The following ABCB1 variants were observed in gnomAD, a reference collection of about 807,000 sequenced individuals.
ABCB1 encodes the protein ATP-dependent translocase ABCB1.
In ABCB1, 69 loss-of-function variants were observed where a neutral mutation model predicts 142.0. The observed-to-expected ratio is 0.49, with a 90% CI of 0.40 to 0.59. The LOEUF is 0.59. Ranked by LOEUF, ABCB1 falls within the 20% of genes least tolerant of loss-of-function variation. The pLI is 0.00. For synonymous variants in ABCB1, 532 were observed against 539.2 expected (o/e 0.99, Z 0.18); for missense variants, 1,326 against 1,554.7 (o/e 0.85, Z 2.47).
intron 1 of ABCB1, among the ~76,000 whole-genome samples, chr7:87,702,482 G>A (rs945066302): frequency 1.3e-5 from 2 of 151,992 alleles, no homozygotes; most frequent in African/African-American, 2.4e-5. Context: ...ATCTCTCTTT[G>A]TTGCCCAGGC....
At chr7:87,539,239 T>C in intron 19 of ABCB1, 29 bp downstream of exon 19, 1 of 1,606,416 alleles carries the variant, frequency 6.2e-7, no homozygotes, top group South Asian at 1.1e-5. Context: ...GTTCTACACA[T>C]CCCAGGGCAC....
At chr7:87,539,384 C>T (rs1440563076) in intron 18 of ABCB1, 39 bp from the exon 19 acceptor site, 1 of 1,581,456 alleles carries the variant, frequency 6.3e-7, no homozygotes, top group South Asian at 1.1e-5. Flanking sequence ...ACCCAGCCAC[C>T]ATTTAAATAA....
intron 1 of ABCB1, among the ~76,000 whole-genome samples, chr7:87,707,692 TAAATAAAATA>T (rs899256475): frequency 2.6e-5 from 4 of 151,524 alleles, no homozygotes; most frequent in African/African-American, 9.7e-5. Context: ...ATAAAATAAA[TAAATAAAATA>T]AAATAAAATA....
At chr7:87,598,362 G>T (rs1437463239) in intron 2 of ABCB1, among the ~76,000 whole-genome samples, 1 of 152,080 alleles carries the variant, frequency 6.6e-6, no homozygotes, top group African/African-American at 2.4e-5. Context: ...TATTTGCTAG[G>T]TGATGTTGTT....
chr7:87,515,590 A>G (rs1046594027), intron 24 of ABCB1, among the ~76,000 whole-genome samples, 162 bp from the exon 25 acceptor site: 3 of 151,670 alleles, frequency 2.0e-5, no homozygotes. Flanking sequence ...TTTATTATTT[A>G]TTTATTTTTT....
intron 19 of ABCB1, chr7:87,537,160 C>G (rs1816333440): frequency 6.5e-6 from 1 of 154,298 alleles, no homozygotes; most frequent in Non-Finnish European, 1.4e-5. Context: ...GATTTGGCTC[C>G]TCTGATCCTC....
In ABCB1 at chr7:87,550,181, G is replaced by C; in HGVS notation, c.1340C>G (p.Thr447Arg). 6.2e-7 allele frequency: 1 copy of C among 1,614,166 alleles called. No individual in the cohort carries two copies. Among genetic ancestry groups the C allele is most frequent in the East Asian group, 2.2e-5 (1 of 44,882 alleles). Residue 447 changes from threonine (T) to arginine (R), a missense_variant, in exon 12 of 28, where the codon ACA becomes AGA. Thr to Arg is a moderately conservative substitution (Grantham distance 71). Coordinates refer to ENST00000622132, the MANE Select transcript of ABCB1 (RefSeq NM_001348946.2). ...VQLMQRLYDP[T>R]EGMVSVDGQD... ...CATGGGTCATCTCACCATCCCCTCT[G>C]TGGGGTCATAGAGCCTCTGCATCAG...
intron 1 of ABCB1, among the ~76,000 whole-genome samples, chr7:87,679,668 G>T (rs116265932): frequency 6.7e-6 from 1 of 150,306 alleles, no homozygotes; most frequent in South Asian, 2.1e-4. Flanking sequence ...GAGATTACAA[G>T]TGTGAACCAC....
At chr7:87,609,499 C>T (rs891049578) in intron 1 of ABCB1, among the ~76,000 whole-genome samples, 1 of 151,972 alleles carries the variant, frequency 6.6e-6, no homozygotes. Flanking sequence ...GCCAAGTTAA[C>T]AACACAGGTT....
upstream of ABCB1, among the ~76,000 whole-genome samples, chr7:87,604,847 C>T (rs1819590509): frequency 6.6e-6 from 1 of 152,222 alleles, no homozygotes; most frequent in East Asian, 1.9e-4. Context: ...ACTTCCCCAT[C>T]TACTACAGCC....
At chr7:87,673,066 C>T (rs1011733682) in intron 1 of ABCB1, among the ~76,000 whole-genome samples, 4 of 152,216 alleles carry the variant, frequency 2.6e-5, no homozygotes, top group Non-Finnish European at 5.9e-5. Flanking sequence ...GGTTTGTAGG[C>T]TTTCTGCTGA....
intron 21 of ABCB1, among the ~76,000 whole-genome samples, chr7:87,529,327 A>G (rs1045204817): frequency 6.6e-6 from 1 of 152,226 alleles, no homozygotes; most frequent in African/African-American, 2.4e-5. Context: ...CTTGTTATAT[A>G]AGAAGTACTA....
At chr7:87,696,497 G>T (rs958270538) in intron 1 of ABCB1, among the ~76,000 whole-genome samples, 1 of 152,102 alleles carries the variant, frequency 6.6e-6, no homozygotes, top group Non-Finnish European at 1.5e-5. Flanking sequence ...AAACCTTTCT[G>T]TAGATGCAGA....
rs1254532451 is a variant in ABCB1 at position 87,507,999 on chromosome 7, G to T, written c.3489+1276C>A. 4.0e-5 allele frequency among the ~76,000 whole-genome samples: 6 copies of T among 151,896 alleles called. No homozygotes were observed. The East Asian group carries it at 7.8e-4, about 20-fold the overall frequency. ...GACTATTAGTGTAGGGAGGGAAGGGGGGTAAGTGTTGAAAAACTACCTATT... is the reference window on the plus strand; with the variant it reads ...GACTATTAGTGTAGGGAGGGAAGGGTGGTAAGTGTTGAAAAACTACCTATT... On this transcript the variant is annotated intron_variant, in intron 26 of 27. Transcript: ENST00000622132.
chr7:87,519,756 A>G (rs1277110505), intron 22 of ABCB1, among the ~76,000 whole-genome samples: 2 of 152,228 alleles, frequency 1.3e-5, no homozygotes, highest in African/African-American at 4.8e-5. Flanking sequence ...TTAGGGATCA[A>G]TAAGTAAAAG....
chr7:87,523,615 C>G (rs1427231018), intron 21 of ABCB1, among the ~76,000 whole-genome samples: 1 of 152,146 alleles, frequency 6.6e-6, no homozygotes, highest in African/African-American at 2.4e-5. Context: ...GAGTGAGACT[C>G]CATCTTAAAA....
In ABCB1 at chr7:87,505,912, A is replaced by G. The variant is rs1814714022; in HGVS notation, c.3621T>C (p.Asp1207=). 1 of 1,614,078 alleles carries G rather than the reference A, an allele frequency of 6.2e-7. No individual in the cohort carries two copies. The highest frequency in any genetic ancestry group is 1.3e-5 in the African/African-American group (1 of 74,938). The change falls in exon 27 of 28, where the codon GAT becomes GAC. Residue 1207 remains aspartate (D), a synonymous_variant. Coordinates refer to ENST00000622132, the MANE Select transcript of ABCB1 (RefSeq NM_001348946.2). The stretch of plus-strand genomic sequence containing the variant: ...AAATTCTTACCTTTTCACTTTCTGT[A>G]TCCAGAGCTGACGTGGCTTCATCCA... The part of the protein sequence containing the change: ...LLLDEATSAL[D]TESEKVVQEA...
intron 20 of ABCB1, among the ~76,000 whole-genome samples, chr7:87,535,915 T>C (rs544402341): frequency 1.3e-5 from 2 of 152,342 alleles, no homozygotes; most frequent in African/African-American, 2.4e-5. Flanking sequence ...GCTGGTTCAA[T>C]AGTATCTAGT....
intron 21 of ABCB1, among the ~76,000 whole-genome samples, chr7:87,528,774 C>T (rs754895755): frequency 8.5e-5 from 13 of 152,082 alleles, no homozygotes; most frequent in Admixed American, 2.6e-4. Flanking sequence ...TCAAGGGCTG[C>T]GAAGTATCAT....
Sources: allele counts gnomAD v4.1 joint callset (sites outside exome capture counted in the v4.1 genomes callset), GRCh38; gene constraint gnomAD v4.1.1; transcripts MANE v1.5; gene names NCBI Gene and HGNC (gene_info 2026-07-23, HGNC 2026-07-21).